The following SPAG4 variants were observed in gnomAD, a reference collection of about 807,000 sequenced individuals.
The protein encoded by SPAG4 is sperm-associated antigen 4 protein.
Under a neutral mutation model 53.9 loss-of-function variants are expected in SPAG4, and 54 were observed. That is an observed-to-expected ratio of 1.00 (90% CI 0.80 to 1.26). The LOEUF is 1.26. Among genes scored for constraint, SPAG4 ranks in the 50% most tolerant of loss-of-function variants. SPAG4 has a pLI of 0.00. For missense variants in SPAG4, 548 were observed against 568.6 expected (o/e 0.96, Z 0.37); for synonymous variants, 246 against 237.4 (o/e 1.04, Z -0.33).
chr20:35,618,400 A>C, intron 5 of SPAG4, 50 bp from the exon 6 acceptor site: 1 of 1,612,300 alleles, frequency 6.2e-7, no homozygotes, highest in Non-Finnish European at 8.5e-7. Flanking sequence ...AGGTAGGAGC[A>C]AGGACGACGG....
chr20:35,615,913 C>A lies in SPAG4; in HGVS notation c.-91C>A, dbSNP rs914988270. The A allele has an allele frequency of 1.5e-6, 2 of 1,350,560 alleles. No homozygotes were observed. The highest frequency in any genetic ancestry group is 2.5e-5 in the East Asian group (1 of 40,170). 83.7% of individuals were successfully genotyped at this position (1,350,560 alleles called of 1,614,324 possible). On this transcript the variant is annotated 5_prime_UTR_variant, in exon 1 of 12. Transcript: ENST00000374273. The stretch of plus-strand genomic sequence containing the variant: ...GACTTCACGCAGGGTCCGTGGGGTC[C>A]CCGCGGCGCGCAGCGGCTGAAGGAG...
chr20:35,619,185 A>G lies in SPAG4; in HGVS notation c.794-10A>G. ...TGGGAGCCTCTGAGGGTTACTTCTC[A>G]CTGTTCCAGGAGCCTCCATCGACCT... On this transcript the variant is annotated splice_polypyrimidine_tract_variant and intron_variant, in intron 8 of 11. Coordinates refer to ENST00000374273, the MANE Select transcript of SPAG4 (RefSeq NM_003116.3). 2 of 1,592,894 alleles carry G rather than the reference A, an allele frequency of 1.3e-6. No homozygotes were observed. Among genetic ancestry groups the G allele is most frequent in the Non-Finnish European group, 1.7e-6 (2 of 1,172,094 alleles).
intron 1 of SPAG4, 36 bp from the exon 2 acceptor site, chr20:35,617,100 C>A: frequency 7.2e-7 from 1 of 1,397,656 alleles, no homozygotes; most frequent in Non-Finnish European, 9.9e-7. Context: ...GGTCTGTGGT[C>A]CGCAAGGCCC....
At chr20:35,616,967 G>T in intron 1 of SPAG4, 169 bp from the exon 2 acceptor site, 1 of 600,648 alleles carries the variant, frequency 1.7e-6, no homozygotes, top group Non-Finnish European at 3.0e-6. Flanking sequence ...CTGAGGGGCG[G>T]GGCTTCAGAG....
In SPAG4 at chr20:35,620,953, G is replaced by A. The variant is rs1474873979; in HGVS notation, c.1245G>A (p.Leu415=). Reference sequence around the variant, plus strand: ...GGGGCCACCCCCGTTTCACGTGCTTGTATCGAGTCCGTGCCCACGGTGTGC... The same window carrying A: ...GGGGCCACCCCCGTTTCACGTGCTTATATCGAGTCCGTGCCCACGGTGTGC... ...SNWGHPRFTC[L]YRVRAHGVRT... Residue 415 remains leucine, a synonymous_variant, in exon 12 of 12, where the codon TTG becomes TTA. Transcript: ENST00000374273. The A allele has an allele frequency of 2.5e-6, 4 of 1,614,124 alleles. No homozygotes were observed. The highest frequency in any genetic ancestry group is 2.7e-5 in the African/African-American group (2 of 74,940).
rs1171153660 is a variant in SPAG4, at chr20:35,616,175, G to C, written c.172G>C (p.Gly58Arg). The change falls in exon 1 of 12, where the codon GGT becomes CGT. Residue 58 changes from glycine to arginine, a missense_variant. Physicochemically the swap from Gly to Arg is moderately radical, Grantham distance 125. Coordinates refer to ENST00000374273, the MANE Select transcript of SPAG4 (RefSeq NM_003116.3). ...CAGAAGAGCCCGGGGCCCGAGCTGC[G>C]GTGAGCCCGCCTTGAGCGCGGGAGT... Reference protein sequence around the residue: ...EGRRARGPSCGEPALSAGVPG... With the variant: ...EGRRARGPSCREPALSAGVPG... 2 of 1,594,812 alleles carry C rather than the reference G, an allele frequency of 1.3e-6. No homozygotes were observed. Among genetic ancestry groups the C allele is most frequent in the South Asian group, 2.2e-5 (2 of 89,530 alleles).
At chr20:35,618,051 C>A (rs1253249896) in intron 4 of SPAG4, 36 bp from the exon 5 acceptor site, 1 of 1,608,214 alleles carries the variant, frequency 6.2e-7, no homozygotes, top group Non-Finnish European at 8.5e-7. Flanking sequence ...CATTCTCTTC[C>A]TTTTCCTTCT....
chr20:35,616,087 C>T lies in SPAG4; in HGVS notation c.84C>T (p.Ser28=). ...PNFFSENSSM[S]ITSEDSKGLR... ...TTTTCAGCGAGAACAGCTCAATGAG[C>T]ATCACCTCGGAGGACAGCAAAGGGC... The change falls in exon 1 of 12, where the codon AGC becomes AGT. Residue 28 remains serine, a synonymous_variant. Transcript: ENST00000374273. 6.2e-7 allele frequency: 1 copy of T among 1,611,568 alleles called. No homozygotes were observed. Among genetic ancestry groups the T allele is most frequent in the Non-Finnish European group, 8.5e-7 (1 of 1,178,906 alleles).
In SPAG4 at chr20:35,617,846, G is replaced by C. The variant is rs765232136; in HGVS notation, c.538+6G>C. ...GCTGAGCCTCTTTCTGTCAGGTGAG[G>C]GGCAGTGAATTCCCTGGAGCCCCTG... On this transcript the variant is annotated splice_donor_region_variant and intron_variant, in intron 4 of 11. Coordinates refer to ENST00000374273, the MANE Select transcript of SPAG4 (RefSeq NM_003116.3). The C allele has an allele frequency of 6.2e-7, 1 of 1,613,804 alleles. No homozygotes were observed. The highest frequency in any genetic ancestry group is 8.5e-7 in the Non-Finnish European group (1 of 1,179,862).
At position 35,615,980 on chromosome 20, in the gene SPAG4, G is replaced by C; in HGVS notation, c.-24G>C. ...GACCGCAGCGGCGGCTTTAGCGTCA[G>C]TGACTAGGCAGCAGGGGGTCAGGAT... On this transcript the variant is annotated 5_prime_UTR_variant, in exon 1 of 12. Transcript: ENST00000374273. The C allele has an allele frequency of 6.2e-7, 1 of 1,607,510 alleles. No homozygotes were observed. The highest frequency in any genetic ancestry group is 8.5e-7 in the Non-Finnish European group (1 of 1,178,724).
At position 35,615,846 on chromosome 20, in the gene SPAG4, CCGGGACACAG is replaced by C; in HGVS notation, c.-152_-143del. 2 of 632,534 alleles carry C rather than the reference CCGGGACACAG, an allele frequency of 3.2e-6. No individual in the cohort carries two copies. Among genetic ancestry groups the C allele is most frequent in the Non-Finnish European group, 2.6e-6 (1 of 386,298 alleles). 39.2% of individuals were successfully genotyped at this position (632,534 alleles called of 1,614,324 possible). Reference sequence around the variant, plus strand: ...GCTCCTCTGTGACGTCAGCAGCCGGCCGGGACACAGCGGGAGGGCAGGTGCGGCCGCGGGG... The same window carrying C: ...GCTCCTCTGTGACGTCAGCAGCCGGCCGGGAGGGCAGGTGCGGCCGCGGGG... On this transcript the variant is annotated 5_prime_UTR_variant, in exon 1 of 12. Transcript: ENST00000374273.
chr20:35,620,998 G>A lies in SPAG4; in HGVS notation c.1290G>A (p.Glu430=). Reference sequence around the variant, plus strand: ...GTGTGCGAACCTCAGAGGGGGCAGAGGGCAGTGCACAGGGGCCCCATTAAA... The same window carrying A: ...GTGTGCGAACCTCAGAGGGGGCAGAAGGCAGTGCACAGGGGCCCCATTAAA... The part of the protein sequence containing the change: ...AHGVRTSEGA[E]GSAQGPH Residue 430 remains glutamate, a synonymous_variant, in exon 12 of 12, where the codon GAG becomes GAA. Coordinates refer to ENST00000374273, the MANE Select transcript of SPAG4 (RefSeq NM_003116.3). 1 of 1,614,174 alleles carries A rather than the reference G, an allele frequency of 6.2e-7. No homozygotes were observed. The highest frequency in any genetic ancestry group is 2.2e-5 in the East Asian group (1 of 44,888).
intron 6 of SPAG4, 53 bp downstream of exon 6, chr20:35,618,528 GAGA>G (rs1470953614): frequency 6.2e-7 from 1 of 1,611,058 alleles, no homozygotes; most frequent in African/African-American, 1.3e-5. Flanking sequence ...TTGCTTCTTT[GAGA>G]ACCTTGAAGG....
chr20:35,618,193 G>C, intron 5 of SPAG4, 63 bp downstream of exon 5: 1 of 1,537,154 alleles, frequency 6.5e-7, no homozygotes, highest in Non-Finnish European at 8.9e-7. Context: ...AGATTGTGGG[G>C]GTCCCCTGGA....
rs140056855 is a variant in SPAG4, at chr20:35,618,119, C to T, written c.571C>T (p.Pro191Ser). The T allele has an allele frequency of 2.7e-3, 4,278 of 1,613,678 alleles. 89 individuals are homozygous for T. The South Asian group carries it at 0.033, about 13-fold the overall frequency. ...FWLGLLYLVS[P>S]LENEPKEMLT... is the part of the protein sequence containing the mutation. ...GCTGGGGCTTCTGTACCTGGTCTCTCCTTTGGAGAATGTGAGTTGGGGAGA... is the reference window on the plus strand; with the variant it reads ...GCTGGGGCTTCTGTACCTGGTCTCTTCTTTGGAGAATGTGAGTTGGGGAGA... Residue 191 changes from proline (P) to serine (S), a missense_variant, in exon 5 of 12, where the codon CCT becomes TCT. Transcript: ENST00000374273.
intron 5 of SPAG4, 95 bp downstream of exon 5, chr20:35,618,225 G>T: frequency 1.5e-6 from 2 of 1,292,912 alleles, no homozygotes; most frequent in South Asian, 1.3e-5. Flanking sequence ...CTGGGGTGGG[G>T]GTAGTGCCAG....
In SPAG4 at chr20:35,615,904, C is replaced by T. The variant is rs1156754505; in HGVS notation, c.-100C>T. The T allele has an allele frequency of 1.1e-5, 14 of 1,230,436 alleles. No individual in the cohort carries two copies. The highest frequency in any genetic ancestry group is 1.6e-5 in the Non-Finnish European group (14 of 894,138). The allele number at this position is 1,230,436 out of a possible 1,614,324, so 76.2% of individuals were successfully genotyped here. On this transcript the variant is annotated 5_prime_UTR_variant, in exon 1 of 12. Coordinates refer to ENST00000374273, the MANE Select transcript of SPAG4 (RefSeq NM_003116.3). ...GGGCCTGCCGACTTCACGCAGGGTCCGTGGGGTCCCCGCGGCGCGCAGCGG... is the reference window on the plus strand; with the variant it reads ...GGGCCTGCCGACTTCACGCAGGGTCTGTGGGGTCCCCGCGGCGCGCAGCGG...
intron 7 of SPAG4, 88 bp downstream of exon 7, chr20:35,618,808 T>C: frequency 7.0e-7 from 1 of 1,432,076 alleles, no homozygotes; most frequent in East Asian, 2.4e-5. Flanking sequence ...CCTGCGGGAT[T>C]TCTCCCGGTG....
Position 35,619,009 on chromosome 20 carries a change from G to A in SPAG4, c.793+11G>A, listed in dbSNP as rs1443114221. 1.2e-6 allele frequency: 2 copies of A among 1,610,774 alleles called. No individual in the cohort carries two copies. Among genetic ancestry groups the A allele is most frequent in the Admixed American group, 1.7e-5 (1 of 60,022 alleles). ...CTTTGAGCTCTGTGGGTAAGACCCG[G>A]AGACACTGGAAGACAGAGACGCAGA... On this transcript the variant is annotated intron_variant, in intron 8 of 11. Transcript: ENST00000374273.
Sources: allele counts gnomAD v4.1 joint callset, GRCh38; gene constraint gnomAD v4.1.1; transcripts MANE v1.5; gene names NCBI Gene and HGNC (gene_info 2026-07-23, HGNC 2026-07-21).